PTH2R: variants seen among roughly 807,000 people sequenced by gnomAD.
PTH2R encodes the protein PTH2 receptor.
A neutral mutation model predicts 60.3 loss-of-function variants in PTH2R; 59 were observed. The ratio of observed to expected loss-of-function variants is 0.98; its 90% CI spans 0.79 to 1.22. PTH2R has a LOEUF of 1.22. Ranked by LOEUF, PTH2R falls within the 50% of genes most tolerant of loss-of-function variation. The pLI is 0.00. For synonymous variants in PTH2R, 256 were observed against 243.8 expected, an observed-to-expected ratio of 1.05 and a Z score of -0.47; for missense variants, 749 against 682.6, an observed-to-expected ratio of 1.10 and a Z score of -1.08.
chr2:208,436,974 G>A (rs545344747), intron 2 of PTH2R, among the ~76,000 whole-genome samples: 11 of 152,292 alleles, frequency 7.2e-5, no homozygotes, highest in African/African-American at 1.2e-4. Context: ...TTGGACTATC[G>A]TGGTGACAGT....
chr2:208,379,676 A>G (rs1487638996), intron 1 of PTH2R, among the ~76,000 whole-genome samples: 1 of 152,010 alleles, frequency 6.6e-6, no homozygotes, highest in Non-Finnish European at 1.5e-5. Context: ...CCTGGTTAAC[A>G]TGGTGAAACC....
At chr2:208,448,475 C>T (rs1225398591) in intron 7 of PTH2R, among the ~76,000 whole-genome samples, 3 of 150,602 alleles carry the variant, frequency 2.0e-5, no homozygotes, top group African/African-American at 7.3e-5. Context: ...ATGGTGAAAC[C>T]CCGTCTCTAC....
chr2:208,397,554 C>T (rs1288043861), intron 1 of PTH2R, among the ~76,000 whole-genome samples: 1 of 152,098 alleles, frequency 6.6e-6, no homozygotes, highest in African/African-American at 2.4e-5. Context: ...GGAAGAGGCT[C>T]CCTCTGTACA....
rs1384012884 is a variant in PTH2R at position 208,406,867 on chromosome 2, C to A, written c.-177C>A. The A allele has an allele frequency of 6.2e-5, 27 of 434,920 alleles. No individual in the cohort carries two copies. 26.9% of individuals were successfully genotyped at this position (434,920 alleles called of 1,614,324 possible). ...GCAGCAGCACGCGGGTTCTGAGAAG[C>A]GCGTGGCTCCGGCGACAAGACCCCA... On this transcript the variant is annotated 5_prime_UTR_variant, in exon 1 of 13. Transcript: ENST00000272847.
In PTH2R at chr2:208,481,103, G is replaced by A. The variant is rs1294019725; in HGVS notation, c.1015G>A (p.Val339Ile). 15 of 1,611,476 alleles carry A rather than the reference G, an allele frequency of 9.3e-6. No homozygotes were observed. The highest frequency in any genetic ancestry group is 2.7e-5 in the African/African-American group (2 of 74,936). Reference sequence around the variant, plus strand: ...TATTCTGTTTCTGAATACGGTTAGAGTTCTAGCTACCAAAATCTGGGAGAC... The same window carrying A: ...TATTCTGTTTCTGAATACGGTTAGAATTCTAGCTACCAAAATCTGGGAGAC... Reference protein sequence around the residue: ...NFILFLNTVRVLATKIWETNA... With the variant: ...NFILFLNTVRILATKIWETNA... The change falls in exon 10 of 13, where the codon GTT (valine) becomes ATT (isoleucine). Residue 339 changes from valine to isoleucine, a missense_variant. By Grantham distance (29) the Val-to-Ile change is conservative. Coordinates refer to ENST00000272847, the MANE Select transcript of PTH2R (RefSeq NM_005048.4).
intron 7 of PTH2R, among the ~76,000 whole-genome samples, chr2:208,448,825 G>A (rs1702342536): frequency 6.6e-6 from 1 of 151,644 alleles, no homozygotes; most frequent in African/African-American, 2.4e-5. Flanking sequence ...AATCCTTAAA[G>A]GATCCCAAAG....
At chr2:208,471,182 A>T (rs187992718) in intron 9 of PTH2R, among the ~76,000 whole-genome samples, 3 of 152,346 alleles carry the variant, frequency 2.0e-5, no homozygotes, top group Admixed American at 6.5e-5. Context: ...TGACAATGCA[A>T]TAAAAAAGAG....
At chr2:208,376,280 T>C (rs1257587185) in intron 1 of PTH2R, among the ~76,000 whole-genome samples, 1 of 152,146 alleles carries the variant, frequency 6.6e-6, no homozygotes, top group African/African-American at 2.4e-5. Context: ...CTTTACAAAG[T>C]ATTACAAAGG....
At chr2:208,451,176 C>G (rs1178394028) in intron 8 of PTH2R, among the ~76,000 whole-genome samples, 1 of 148,252 alleles carries the variant, frequency 6.7e-6, no homozygotes, top group Non-Finnish European at 1.5e-5. Flanking sequence ...TGTTCATACT[C>G]TCTCTCTCTC....
At chr2:208,445,950 A>G (rs753374901) in intron 7 of PTH2R, among the ~76,000 whole-genome samples, 9 of 152,172 alleles carry the variant, frequency 5.9e-5, no homozygotes, top group Non-Finnish European at 1.3e-4. Flanking sequence ...AATAAAAAAG[A>G]TAATATTTTG....
chr2:208,461,867 C>A (rs1193481835), intron 9 of PTH2R, among the ~76,000 whole-genome samples: 1 of 152,142 alleles, frequency 6.6e-6, no homozygotes, highest in African/African-American at 2.4e-5. Context: ...GATTAAAGGG[C>A]TTTTGAAGAT....
intron 7 of PTH2R, among the ~76,000 whole-genome samples, chr2:208,446,389 C>A (rs147106487): frequency 6.6e-6 from 1 of 152,144 alleles, no homozygotes. Context: ...TCCTTTACAG[C>A]TTTTATTAAT....
chr2:208,464,247 T>C (rs1702693372), intron 9 of PTH2R, among the ~76,000 whole-genome samples: 1 of 152,210 alleles, frequency 6.6e-6, no homozygotes, highest in Admixed American at 6.5e-5. Context: ...TAACATAATG[T>C]TATTTTCACT....
At chr2:208,374,626 C>A (rs1368392245) in intron 1 of PTH2R, among the ~76,000 whole-genome samples, 1 of 152,060 alleles carries the variant, frequency 6.6e-6, no homozygotes, top group Non-Finnish European at 1.5e-5. Flanking sequence ...CCTCAGCCTC[C>A]TGAGTAGCTG....
intron 1 of PTH2R, among the ~76,000 whole-genome samples, chr2:208,374,384 C>T (rs1383092578): frequency 6.6e-6 from 1 of 152,132 alleles, no homozygotes. Flanking sequence ...TCTGCTTACT[C>T]ATTGCAGTCT....
At chr2:208,373,640 TA>T (rs1190006293) in intron 1 of PTH2R, among the ~76,000 whole-genome samples, 1 of 152,040 alleles carries the variant, frequency 6.6e-6, no homozygotes, top group Non-Finnish European at 1.5e-5. Flanking sequence ...GATCCAAATT[TA>T]AATTGCAGTG....
chr2:208,461,337 A>G (rs187713171), intron 9 of PTH2R, among the ~76,000 whole-genome samples: 157 of 152,252 alleles, frequency 1.0e-3, no homozygotes, highest in African/African-American at 3.1e-3. Context: ...ACATCAGTGA[A>G]CTTAAAGATA....
chr2:208,420,213 C>T (rs1252043582), intron 1 of PTH2R, among the ~76,000 whole-genome samples: 1 of 151,092 alleles, frequency 6.6e-6, no homozygotes, highest in Non-Finnish European at 1.5e-5. Context: ...TGCAGCACAG[C>T]AACATGGCAC....
At chr2:208,490,488 G>A in intron 11 of PTH2R, 151 bp from the exon 12 acceptor site, 1 of 617,632 alleles carries the variant, frequency 1.6e-6, no homozygotes, top group Non-Finnish European at 2.7e-6. Context: ...TAAACATAAG[G>A]ATTTGGAAAC....
Sources: gnomAD v4.1 joint callset for allele counts (sites outside exome capture counted in the v4.1 genomes callset) on GRCh38, gnomAD v4.1.1 for gene constraint, MANE v1.5 for transcripts, NCBI Gene and HGNC (gene_info 2026-07-23, HGNC 2026-07-21) for gene names.